Variants in LMTK2 observed in about 807,000 individuals in gnomAD.
LMTK2 encodes the protein lemur tail kinase 2, also known as serine/threonine-protein kinase LMTK2.
A neutral mutation model predicts 127.5 loss-of-function variants in LMTK2; 37 were observed. That is an observed-to-expected ratio of 0.29 (90% CI 0.22 to 0.38). The LOEUF is 0.38. Among genes scored for constraint, LMTK2 ranks in the 10% least tolerant of loss-of-function variants. The probability of loss-of-function intolerance (pLI) is 1.00; values close to 1 mark genes in which losing one functional copy is unlikely to be tolerated. For missense variants in LMTK2, 1,694 were observed against 1,920.3 expected (o/e 0.88, Z 2.20); for synonymous variants, 819 against 810.1 (o/e 1.01, Z -0.19).
In LMTK2 at chr7:98,107,032, G is replaced by A. The variant is rs991121040; in HGVS notation, c.-146G>A. On this transcript the variant is annotated 5_prime_UTR_variant, in exon 1 of 14. Transcript: ENST00000297293. ...AGGTGCGGACCGGGAGCCGGACCGA[G>A]GTTTGGCAGAAGCAACGTGTGCTCG... 4.1e-5 allele frequency: 22 copies of A among 542,666 alleles called. No individual in the cohort carries two copies. Among genetic ancestry groups the A allele is most frequent in the Non-Finnish European group, 5.8e-5 (19 of 330,184 alleles). 33.6% of individuals were successfully genotyped at this position (542,666 alleles called of 1,614,324 possible). A position where few individuals can be genotyped will look rare whatever the true frequency, so the allele number is the denominator to read the frequency against.
At chr7:98,196,025 A>G (rs1797617948) in intron 11 of LMTK2, among the ~76,000 whole-genome samples, 1 of 152,062 alleles carries the variant, frequency 6.6e-6, no homozygotes, top group South Asian at 2.1e-4. Flanking sequence ...CCCCATCTCT[A>G]CTAAAAATAT....
At position 98,203,615 on chromosome 7, in the gene LMTK2, G is replaced by C. The variant is rs116216163; in HGVS notation, c.4149G>C (p.Ala1383=). 4,151 of 1,610,392 alleles carry C rather than the reference G, an allele frequency of 2.6e-3. 104 individuals carry two copies. In the African/African-American group the frequency reaches 0.049, roughly 19 times the overall value. ...TKELGPCGGE[A]CGPDLSGPAP... ...AGCTGGGGCCCTGTGGAGGAGAGGC[G>C]TGCGGCCCGGACCTGAGCGGCCCAG... Residue 1383 remains alanine (A), a synonymous_variant, in exon 12 of 14, where the codon GCG becomes GCC. Coordinates refer to ENST00000297293, the MANE Select transcript of LMTK2 (RefSeq NM_014916.4).
intron 1 of LMTK2, among the ~76,000 whole-genome samples, chr7:98,132,046 C>T (rs1562899747): frequency 2.6e-5 from 4 of 152,136 alleles, no homozygotes; most frequent in Admixed American, 6.6e-5. Flanking sequence ...GAACTCCACC[C>T]AGGCCTGCCG....
At chr7:98,184,217 T>G (rs1320807312) in intron 7 of LMTK2, among the ~76,000 whole-genome samples, 2 of 152,150 alleles carry the variant, frequency 1.3e-5, no homozygotes, top group African/African-American at 4.8e-5. Flanking sequence ...TTCCTTAACC[T>G]GTCGAGCGTT....
At position 98,183,878 on chromosome 7, in the gene LMTK2, C is replaced by T. The variant is rs533001784; in HGVS notation, c.792-1173C>T. Among the ~76,000 whole-genome samples the T allele has an allele frequency of 3.3e-5, 5 of 152,236 alleles. No individual in the cohort carries two copies. In the South Asian group the frequency reaches 8.3e-4, roughly 25 times the overall value. ...TAAACTAGTTTGACAGGTTGCTAATCGGAAAATCTTTGAATCCACCTGTTA... is the reference window on the plus strand; with the variant it reads ...TAAACTAGTTTGACAGGTTGCTAATTGGAAAATCTTTGAATCCACCTGTTA... On this transcript the variant is annotated intron_variant, in intron 7 of 13. Transcript: ENST00000297293.
At chr7:98,121,182 G>C (rs1266913567) in intron 1 of LMTK2, among the ~76,000 whole-genome samples, 1 of 152,140 alleles carries the variant, frequency 6.6e-6, no homozygotes, top group Non-Finnish European at 1.5e-5. Context: ...AAGAACCTCT[G>C]TAGTGCGATG....
intron 1 of LMTK2, among the ~76,000 whole-genome samples, chr7:98,126,323 T>G (rs936428007): frequency 3.3e-5 from 5 of 152,182 alleles, no homozygotes; most frequent in South Asian, 2.1e-4. Context: ...CCCCTAGACG[T>G]TGGTGGTCCA....
At chr7:98,138,669 G>A (rs1326978628) in intron 2 of LMTK2, among the ~76,000 whole-genome samples, 1 of 152,212 alleles carries the variant, frequency 6.6e-6, no homozygotes, top group African/African-American at 2.4e-5. Context: ...TAGTCTTGCT[G>A]TGGGACTTTA....
chr7:98,195,618 C>T (rs1278242728), intron 11 of LMTK2, among the ~76,000 whole-genome samples: 5 of 152,126 alleles, frequency 3.3e-5, no homozygotes, highest in African/African-American at 9.7e-5. Context: ...GAGTCCTCGC[C>T]GTCTCCTTCA....
At chr7:98,119,970 A>T (rs1323536180) in intron 1 of LMTK2, among the ~76,000 whole-genome samples, 3 of 151,990 alleles carry the variant, frequency 2.0e-5, no homozygotes, top group Non-Finnish European at 4.4e-5. Context: ...TTTTTTTAAA[A>T]GCTGTTTGTT....
intron 1 of LMTK2, among the ~76,000 whole-genome samples, chr7:98,109,252 C>T: frequency 6.6e-6 from 1 of 152,008 alleles, no homozygotes; most frequent in Non-Finnish European, 1.5e-5. Flanking sequence ...TGTTGTAGAA[C>T]AAAGCAATCA....
intron 3 of LMTK2, among the ~76,000 whole-genome samples, chr7:98,150,991 G>T: frequency 6.6e-6 from 1 of 152,142 alleles, no homozygotes; most frequent in East Asian, 1.9e-4. Flanking sequence ...GGACTTTATT[G>T]TATATTGATT....
chr7:98,127,346 G>A (rs1204881149), intron 1 of LMTK2, among the ~76,000 whole-genome samples: 1 of 152,178 alleles, frequency 6.6e-6, no homozygotes, highest in East Asian at 1.9e-4. Flanking sequence ...CAAACGATGT[G>A]TTTTAGAGAT....
chr7:98,138,194 C>T lies in LMTK2; in HGVS notation c.231+752C>T, dbSNP rs902409924. Among the ~76,000 whole-genome samples, 6 of 152,178 alleles carry T rather than the reference C, an allele frequency of 3.9e-5. No individual in the cohort carries two copies. The Middle Eastern group carries it at 0.01, about 259-fold the overall frequency. Reference sequence around the variant, plus strand: ...TGGGGGGGAGAAGGAAGGAATGTGGCGTGCAGAGAAAATGGTCCTTAATGT... The same window carrying T: ...TGGGGGGGAGAAGGAAGGAATGTGGTGTGCAGAGAAAATGGTCCTTAATGT... On this transcript the variant is annotated intron_variant, in intron 2 of 13. Transcript: ENST00000297293.
At position 98,141,525 on chromosome 7, in the gene LMTK2, A is replaced by G; in HGVS notation, c.360A>G (p.Gln120=). ...ATATTTCACTCCCAGCTCCCTCGCAATTCCAGCCTTCTGTAGGTAAGACCA... is the reference window on the plus strand; with the variant it reads ...ATATTTCACTCCCAGCTCCCTCGCAGTTCCAGCCTTCTGTAGGTAAGACCA... The part of the protein sequence containing the change: ...VPNISLPAPS[Q]FQPSVEGLKS... The change falls in exon 3 of 14, where the codon CAA becomes CAG. Residue 120 remains glutamine, a synonymous_variant. Coordinates refer to ENST00000297293, the MANE Select transcript of LMTK2 (RefSeq NM_014916.4). The G allele has an allele frequency of 6.2e-7, 1 of 1,614,100 alleles. No individual in the cohort carries two copies. Among genetic ancestry groups the G allele is most frequent in the Non-Finnish European group, 8.5e-7 (1 of 1,179,966 alleles).
At chr7:98,116,994 A>G (rs1053022924) in intron 1 of LMTK2, among the ~76,000 whole-genome samples, 2 of 152,362 alleles carry the variant, frequency 1.3e-5, no homozygotes, top group African/African-American at 4.8e-5. Context: ...TTAAAGTGCC[A>G]TTCTCATCAC....
Position 98,206,677 on chromosome 7 carries a change from G to A in LMTK2, c.*1185G>A, listed in dbSNP as rs1797805478. 6.6e-6 allele frequency: 1 copy of A among 152,224 alleles called. No homozygotes were observed. The highest frequency in any genetic ancestry group is 2.4e-5 in the African/African-American group (1 of 41,422). 9.4% of individuals were successfully genotyped at this position (152,224 alleles called of 1,614,324 possible). A position where few individuals can be genotyped will look rare whatever the true frequency, so the allele number is the denominator to read the frequency against. On this transcript the variant is annotated 3_prime_UTR_variant, in exon 14 of 14. Transcript: ENST00000297293. ...GTGGGGGACCGTTCGACTTGATGATGTGTGCACACTTCAGGTGGTGGGGAC... is the reference window on the plus strand; with the variant it reads ...GTGGGGGACCGTTCGACTTGATGATATGTGCACACTTCAGGTGGTGGGGAC...
chr7:98,162,204 G>A (rs757920026), intron 6 of LMTK2, among the ~76,000 whole-genome samples: 1 of 152,130 alleles, frequency 6.6e-6, no homozygotes. Context: ...TTTGGGACTA[G>A]TAATTTAACC....
chr7:98,189,757 A>T (rs544748191), intron 9 of LMTK2, among the ~76,000 whole-genome samples: 3 of 152,280 alleles, frequency 2.0e-5, no homozygotes, highest in African/African-American at 7.2e-5. Flanking sequence ...CCGCAGTGTG[A>T]GAGAGGATTG....
Sources: allele counts gnomAD v4.1 joint callset (sites outside exome capture counted in the v4.1 genomes callset), GRCh38; gene constraint gnomAD v4.1.1; transcripts MANE v1.5; gene names NCBI Gene and HGNC (gene_info 2026-07-23, HGNC 2026-07-21).